ESRRG: variants seen among roughly 807,000 people sequenced by gnomAD.
ESRRG encodes the protein estrogen related receptor gamma.
A neutral mutation model predicts 44.0 loss-of-function variants in ESRRG; 13 were observed. The ratio of observed to expected loss-of-function variants is 0.30; its 90% CI spans 0.19 to 0.47. ESRRG has a LOEUF of 0.47. Ranked by LOEUF, ESRRG falls within the 20% of genes least tolerant of loss-of-function variation. The probability of loss-of-function intolerance (pLI) is 1.00; values close to 1 mark genes in which losing one functional copy is unlikely to be tolerated. For synonymous variants in ESRRG, 215 were observed against 214.6 expected (o/e 1.00, Z -0.02); for missense variants, 395 against 580.6 (o/e 0.68, Z 3.29).
At chr1:216,719,033 C>T (rs2085552831) in intron 1 of ESRRG, among the ~76,000 whole-genome samples, 1 of 151,930 alleles carries the variant, frequency 6.6e-6, no homozygotes, top group Admixed American at 6.6e-5. Flanking sequence ...CAAAGCAAAA[C>T]CTTCAGTGCT....
chr1:216,806,243 A>G (rs1234716392), intron 2 of ESRRG, among the ~76,000 whole-genome samples: 1 of 152,198 alleles, frequency 6.6e-6, no homozygotes, highest in Non-Finnish European at 1.5e-5. Context: ...ATTAATGTGA[A>G]ACAATGAGCT....
intron 1 of ESRRG, among the ~76,000 whole-genome samples, chr1:216,974,050 C>T (rs1006046167): frequency 6.6e-6 from 1 of 152,070 alleles, no homozygotes; most frequent in African/African-American, 2.4e-5. Context: ...AACTTTTGAG[C>T]TTACAATTAC....
At chr1:216,612,504 T>C (rs2060809504) in intron 3 of ESRRG, among the ~76,000 whole-genome samples, 1 of 152,162 alleles carries the variant, frequency 6.6e-6, no homozygotes, top group African/African-American at 2.4e-5. Context: ...AATGTATGCA[T>C]AACATTCTTT....
intron 2 of ESRRG, among the ~76,000 whole-genome samples, chr1:216,912,185 G>GAAAA (rs1389328433): frequency 0.022 from 185 of 8,364 alleles, 14 homozygotes; most frequent in Middle Eastern, 0.071. Flanking sequence ...GAAAAGAAAA[G>GAAAA]GAGAGGAGAG....
At chr1:216,598,169 C>T (rs974045684) in intron 3 of ESRRG, among the ~76,000 whole-genome samples, 1 of 152,040 alleles carries the variant, frequency 6.6e-6, no homozygotes, top group African/African-American at 2.4e-5. Context: ...CAATTTAATC[C>T]TCCATTTATA....
At chr1:216,758,645 T>C (rs926362053) in intron 2 of ESRRG, among the ~76,000 whole-genome samples, 1 of 151,990 alleles carries the variant, frequency 6.6e-6, no homozygotes, top group Non-Finnish European at 1.5e-5. Flanking sequence ...ACTGAGAAAG[T>C]CAAATTCTTT....
chr1:216,975,828 A>G (rs1327240661), intron 1 of ESRRG, among the ~76,000 whole-genome samples: 1 of 152,198 alleles, frequency 6.6e-6, no homozygotes, highest in Non-Finnish European at 1.5e-5. Flanking sequence ...TGTTGAGTAC[A>G]TGCATGTGCT....
Position 216,723,365 on chromosome 1 carries a change from T to A in ESRRG, c.-66A>T, listed in dbSNP as rs2086789256. 8.9e-6 allele frequency: 13 copies of A among 1,468,250 alleles called. No homozygotes were observed. Among genetic ancestry groups the A allele is most frequent in the Non-Finnish European group, 1.2e-5 (13 of 1,047,950 alleles). 91.0% of individuals were successfully genotyped at this position (1,468,250 alleles called of 1,614,324 possible). ...TCAAAGTTTCCTTGACAGAGCACAG[T>A]GCAATTAACACAAATGTTCTCCTAG... On this transcript the variant is annotated 5_prime_UTR_variant, in exon 1 of 7. Coordinates refer to ENST00000408911, the MANE Select transcript of ESRRG (RefSeq NM_001438.4).
At chr1:216,628,793 C>A (rs901704536) in intron 3 of ESRRG, among the ~76,000 whole-genome samples, 8 of 152,136 alleles carry the variant, frequency 5.3e-5, no homozygotes, top group Non-Finnish European at 8.8e-5. Flanking sequence ...CAGGCAAAGT[C>A]CAAAACCCTT....
At chr1:216,585,499 C>G (rs1260883133) in intron 3 of ESRRG, among the ~76,000 whole-genome samples, 1 of 83,222 alleles carries the variant, frequency 1.2e-5, no homozygotes, top group South Asian at 6.1e-4. Context: ...AAATAAATCC[C>G]AAAATATTCA....
At chr1:216,915,240 G>A (rs1369214392) in intron 2 of ESRRG, among the ~76,000 whole-genome samples, 2 of 152,256 alleles carry the variant, frequency 1.3e-5, no homozygotes, top group African/African-American at 4.8e-5. Flanking sequence ...GGGGCAACTT[G>A]AAGAAGACAA....
At chr1:217,118,029 A>T (rs1295718035) in intron 1 of ESRRG, among the ~76,000 whole-genome samples, 2 of 152,248 alleles carry the variant, frequency 1.3e-5, no homozygotes, top group Non-Finnish European at 2.9e-5. Context: ...TAATAATAAT[A>T]GCTAGAAATT....
chr1:216,626,594 C>G (rs954628303), intron 3 of ESRRG, among the ~76,000 whole-genome samples: 9 of 152,208 alleles, frequency 5.9e-5, no homozygotes, highest in African/African-American at 2.2e-4. Context: ...AATGCAGCAC[C>G]ATTGACAGTC....
chr1:216,784,368 C>T (rs943450852), intron 2 of ESRRG, among the ~76,000 whole-genome samples: 20 of 152,034 alleles, frequency 1.3e-4, no homozygotes, highest in African/African-American at 4.6e-4. Context: ...CTTCATTCTA[C>T]TCCATAGTAA....
intron 1 of ESRRG, among the ~76,000 whole-genome samples, chr1:217,026,912 C>CACACACACACACAGAGAGAGAGAGAG (rs1255637839): frequency 5.5e-4 from 51 of 93,460 alleles, no homozygotes; most frequent in Non-Finnish European, 8.6e-4. Context: ...CACACACACA[C>CACACACACACACAGAGAGAGAGAGAG]AGAGAGAGAG....
intron 5 of ESRRG, among the ~76,000 whole-genome samples, chr1:216,559,210 T>TTTA (rs1051488014): frequency 1.2e-4 from 19 of 152,280 alleles, no homozygotes; most frequent in Admixed American, 1.2e-3. Flanking sequence ...TCTTATTAAG[T>TTTA]GCCAAGGTTT....
chr1:216,947,710 T>A (rs1342215571), intron 1 of ESRRG, among the ~76,000 whole-genome samples: 1 of 152,186 alleles, frequency 6.6e-6, no homozygotes, highest in Non-Finnish European at 1.5e-5. Flanking sequence ...AATAAAAAGA[T>A]CCATAGTGTC....
At chr1:216,763,041 A>C (rs2092881522) in intron 2 of ESRRG, among the ~76,000 whole-genome samples, 1 of 152,106 alleles carries the variant, frequency 6.6e-6, no homozygotes, top group Admixed American at 6.6e-5. Context: ...CTTACCATTT[A>C]TAGGCTAAAA....
chr1:216,632,219 C>A (rs1229472534), intron 3 of ESRRG, among the ~76,000 whole-genome samples: 2 of 152,144 alleles, frequency 1.3e-5, no homozygotes, highest in African/African-American at 2.4e-5. Flanking sequence ...GTCTCCCTAC[C>A]CTGACTTTAG....
Sources: allele counts gnomAD v4.1 joint callset (sites outside exome capture counted in the v4.1 genomes callset), GRCh38; gene constraint gnomAD v4.1.1; transcripts MANE v1.5; gene names NCBI Gene and HGNC (gene_info 2026-07-23, HGNC 2026-07-21).